CPNE4: variants seen among roughly 807,000 people sequenced by gnomAD.
The protein encoded by CPNE4 is copine-4.
CPNE4 carries 25 observed loss-of-function variants against 67.9 expected under a neutral mutation model. The ratio of observed to expected loss-of-function variants is 0.37; its 90% CI spans 0.27 to 0.51. The LOEUF is 0.51. Among genes scored for constraint, CPNE4 ranks in the 20% least tolerant of loss-of-function variants. The pLI, the probability that CPNE4 is intolerant of heterozygous loss-of-function variation, is 0.93. For missense variants in CPNE4, 464 were observed against 690.8 expected, an observed-to-expected ratio of 0.67 and a Z score of 3.68; for synonymous variants, 242 against 244.9, an observed-to-expected ratio of 0.99 and a Z score of 0.11.
At chr3:131,975,775 T>C (rs2072633287) in intron 1 of CPNE4, among the ~76,000 whole-genome samples, 1 of 152,170 alleles carries the variant, frequency 6.6e-6, no homozygotes, top group South Asian at 2.1e-4. Flanking sequence ...ATCATAAACA[T>C]ATATATGCAT....
intron 2 of CPNE4, among the ~76,000 whole-genome samples, chr3:131,805,693 A>G (rs1346787986): frequency 6.6e-6 from 1 of 152,186 alleles, no homozygotes; most frequent in Non-Finnish European, 1.5e-5. Context: ...GATTCCTCAC[A>G]GCTGGGTGTG....
chr3:131,812,545 C>G (rs964799999), intron 2 of CPNE4, among the ~76,000 whole-genome samples: 4 of 152,202 alleles, frequency 2.6e-5, no homozygotes, highest in Non-Finnish European at 5.9e-5. Flanking sequence ...CTTTTCAGAG[C>G]TCTGCCTTGA....
intron 1 of CPNE4, among the ~76,000 whole-genome samples, chr3:132,006,242 C>A (rs1314135290): frequency 1.3e-5 from 2 of 152,042 alleles, no homozygotes; most frequent in Non-Finnish European, 2.9e-5. Context: ...GGAGTCAATC[C>A]AGAGATGAAG....
intron 7 of CPNE4, among the ~76,000 whole-genome samples, chr3:131,650,479 C>T (rs777358863): frequency 7.7e-5 from 11 of 142,190 alleles, no homozygotes; most frequent in Middle Eastern, 3.5e-3. Flanking sequence ...TTATTGCGGC[C>T]GGGCGCGGTG....
chr3:131,692,939 A>G (rs1459181694), intron 5 of CPNE4, among the ~76,000 whole-genome samples: 1 of 152,186 alleles, frequency 6.6e-6, no homozygotes, highest in Non-Finnish European at 1.5e-5. Flanking sequence ...GTCTCTACTT[A>G]CTTGTTAGAT....
chr3:131,927,079 T>G (rs1583465082), intron 1 of CPNE4, among the ~76,000 whole-genome samples: 2 of 152,288 alleles, frequency 1.3e-5, no homozygotes, highest in East Asian at 3.9e-4. Context: ...TAAGTTTCAG[T>G]GACTTTTATT....
intron 1 of CPNE4, among the ~76,000 whole-genome samples, chr3:131,938,818 T>C (rs2071300942): frequency 6.6e-6 from 1 of 152,058 alleles, no homozygotes; most frequent in South Asian, 2.1e-4. Context: ...AGCCAAACCA[T>C]ATAAAATGGA....
intron 2 of CPNE4, among the ~76,000 whole-genome samples, chr3:131,740,932 C>A (rs1304264796): frequency 2.0e-5 from 3 of 152,148 alleles, no homozygotes; most frequent in Admixed American, 2.0e-4. Flanking sequence ...TGTGTCAGGG[C>A]CTTTGCCTTT....
intron 2 of CPNE4, among the ~76,000 whole-genome samples, chr3:131,790,131 C>T (rs1312087956): frequency 6.6e-6 from 1 of 152,088 alleles, no homozygotes; most frequent in Non-Finnish European, 1.5e-5. Context: ...CAGTATAATG[C>T]CAACTTGGAT....
At chr3:131,952,782 G>A (rs146731353) in intron 1 of CPNE4, among the ~76,000 whole-genome samples, 12,065 of 152,206 alleles carry the variant, frequency 0.079, 619 homozygotes, top group Admixed American at 0.16. Context: ...TGACCATGGC[G>A]GTTTTGTGGA....
intron 1 of CPNE4, among the ~76,000 whole-genome samples, chr3:131,927,795 TG>T (rs1298462438): frequency 6.6e-6 from 1 of 152,248 alleles, no homozygotes; most frequent in Non-Finnish European, 1.5e-5. Context: ...CATGGTTTTC[TG>T]GCTTTGTCTT....
chr3:131,991,622 G>C lies in CPNE4; in HGVS notation c.-2+42945C>G, dbSNP rs1389166286. ...AGATTTGCAACCTGACAATGCGATAGAAAAGAAAAATCCATTTTCTGGGGA... is the reference window on the plus strand; with the variant it reads ...AGATTTGCAACCTGACAATGCGATACAAAAGAAAAATCCATTTTCTGGGGA... On this transcript the variant is annotated intron_variant, in intron 1 of 15. Transcript: ENST00000429747. 3.7e-5 allele frequency among the ~76,000 whole-genome samples: 5 copies of C among 136,114 alleles called. 1 individual carries two copies. The highest frequency in any genetic ancestry group is 8.3e-5 in the Non-Finnish European group (5 of 59,978). 89.3% of individuals were successfully genotyped at this position (136,114 alleles called of 152,430 possible). A position where few individuals can be genotyped will look rare whatever the true frequency, so the allele number is the denominator to read the frequency against.
At chr3:131,611,934 T>C (rs980904358) in intron 7 of CPNE4, among the ~76,000 whole-genome samples, 2 of 152,132 alleles carry the variant, frequency 1.3e-5, no homozygotes, top group Non-Finnish European at 2.9e-5. Flanking sequence ...AGTCAGGTTT[T>C]CTCTCCAAGT....
chr3:132,015,945 T>C (rs9848061), intron 1 of CPNE4, among the ~76,000 whole-genome samples: 84,386 of 152,168 alleles, frequency 0.55, 23,979 homozygotes, highest in Middle Eastern at 0.64. Flanking sequence ...ATTGGGGATA[T>C]TGAAACTATA....
At position 131,685,903 on chromosome 3, in the gene CPNE4, G is replaced by A; in HGVS notation, c.563C>T (p.Ala188Val). The change falls in exon 6 of 16, where the codon GCA becomes GTA. Residue 188 changes from alanine (A) to valine (V), a missense_variant. Ala to Val is a moderately conservative substitution (Grantham distance 64). Around this residue, in one of 6 missense-constraint regions of CPNE4, gnomAD observed 58 missense variants for 63.5 expected, o/e 0.91. Coordinates refer to ENST00000429747, the MANE Select transcript of CPNE4 (RefSeq NM_130808.3). ...AGTTCGGTGCACCAGCTGCTGAGTT[G>A]CATCATCATTCATACGAAAAATTTC... ...FLEIFRMNDD[A>V]TQQLVHRTEV... 1 of 1,613,158 alleles carries A rather than the reference G, an allele frequency of 6.2e-7. No homozygotes were observed. The highest frequency in any genetic ancestry group is 2.2e-5 in the East Asian group (1 of 44,876).
At chr3:131,714,204 C>G (rs1300357041) in intron 3 of CPNE4, among the ~76,000 whole-genome samples, 1 of 152,144 alleles carries the variant, frequency 6.6e-6, no homozygotes, top group Admixed American at 6.5e-5. Flanking sequence ...TCAGCATCAT[C>G]ATAACACCCA....
intron 1 of CPNE4, among the ~76,000 whole-genome samples, chr3:132,015,076 A>G (rs1052854200): frequency 2.6e-5 from 4 of 152,170 alleles, no homozygotes; most frequent in Non-Finnish European, 5.9e-5. Context: ...ACATATTTTT[A>G]TAATAGGTTA....
intron 2 of CPNE4, among the ~76,000 whole-genome samples, chr3:131,848,956 C>CAAAA (rs67407668): frequency 0.035 from 2,752 of 79,530 alleles, 615 homozygotes; most frequent in East Asian, 0.049. Context: ...GTAGTGATTA[C>CAAAA]AAAAAAAAAA....
At chr3:131,692,370 A>C (rs1393858101) in intron 5 of CPNE4, among the ~76,000 whole-genome samples, 1 of 152,206 alleles carries the variant, frequency 6.6e-6, no homozygotes, top group Non-Finnish European at 1.5e-5. Flanking sequence ...CTTGGCACAT[A>C]ATAGATGCTC....
Sources: allele counts gnomAD v4.1 joint callset (sites outside exome capture counted in the v4.1 genomes callset), GRCh38; gene constraint gnomAD v4.1.1; regional missense constraint gnomAD v4.1.1; transcripts MANE v1.5; gene names NCBI Gene and HGNC (gene_info 2026-07-23, HGNC 2026-07-21).